The following ARL3 variants were observed in gnomAD, a reference collection of about 807,000 sequenced individuals.
ARL3 encodes the protein ARF like GTPase 3, also known as ADP-ribosylation factor-like protein 3.
In ARL3, 9 loss-of-function variants were observed where a neutral mutation model predicts 26.0. The ratio of observed to expected loss-of-function variants is 0.35; its 90% CI spans 0.21 to 0.60. ARL3 has a LOEUF of 0.60. Ranked by LOEUF, ARL3 falls within the 20% of genes least tolerant of loss-of-function variation. The pLI, the probability that ARL3 is intolerant of heterozygous loss-of-function variation, is 0.78. For synonymous variants in ARL3, 71 were observed against 78.4 expected (o/e 0.91, Z 0.50); for missense variants, 158 against 215.7 (o/e 0.73, Z 1.67).
At chr10:102,690,006 G>T in intron 3 of ARL3, 63 bp from the exon 4 acceptor site, 1 of 1,059,918 alleles carries the variant, frequency 9.4e-7, no homozygotes, top group Non-Finnish European at 1.4e-6. Flanking sequence ...GGCAATTTCT[G>T]CAAAAGGAGC....
At chr10:102,685,673 T>C (rs2064180072) in intron 5 of ARL3, 143 bp downstream of exon 5, 4 of 854,058 alleles carry the variant, frequency 4.7e-6, no homozygotes, top group Non-Finnish European at 5.2e-6. Flanking sequence ...GATTGGTTGC[T>C]AAGCAGAAAA....
chr10:102,697,123 G>C (rs909781559), intron 3 of ARL3, among the ~76,000 whole-genome samples: 16 of 151,976 alleles, frequency 1.1e-4, no homozygotes, highest in African/African-American at 3.6e-4. Context: ...CATATAAAAG[G>C]TAATGTGTTA....
chr10:102,698,216 T>C (rs2064259627), intron 3 of ARL3, among the ~76,000 whole-genome samples: 1 of 151,834 alleles, frequency 6.6e-6, no homozygotes, highest in Non-Finnish European at 1.5e-5. Context: ...TTTTTTCTTG[T>C]CTTGAGACAG....
chr10:102,678,268 G>A (rs2064140087), intron 5 of ARL3, among the ~76,000 whole-genome samples: 2 of 152,174 alleles, frequency 1.3e-5, no homozygotes, highest in South Asian at 4.1e-4. Context: ...GCCGAGGTGG[G>A]AGAAATGAGG....
chr10:102,705,377 G>A lies in ARL3; in HGVS notation c.116C>T (p.Ser39Phe). ...AGGTGTGATGTGGCTGATGTCTTCAGATGCAAGCTGCTTCAGAAGAGTGGT... is the reference window on the plus strand; with the variant it reads ...AGGTGTGATGTGGCTGATGTCTTCAAATGCAAGCTGCTTCAGAAGAGTGGT... ...GKTTLLKQLA[S>F]EDISHITPTQ... is the part of the protein sequence containing the mutation. Residue 39 changes from serine (S) to phenylalanine (F), a missense_variant, in exon 2 of 6, where the codon TCT becomes TTT. Physicochemically the swap from Ser to Phe is radical, Grantham distance 155 (BLOSUM62 -2). Transcript: ENST00000260746. 6.2e-7 allele frequency: 1 copy of A among 1,610,764 alleles called. No individual in the cohort carries two copies. The highest frequency in any genetic ancestry group is 8.5e-7 in the Non-Finnish European group (1 of 1,178,110).
Position 102,674,274 on chromosome 10 carries a change from C to T in ARL3, c.*2620G>A, listed in dbSNP as rs2064119273. 2 of 152,298 alleles carry T rather than the reference C, an allele frequency of 1.3e-5. No homozygotes were observed. The highest frequency in any genetic ancestry group is 2.1e-4 in the South Asian group (1 of 4,832). The allele number at this position is 152,298 out of a possible 1,614,324, so 9.4% of individuals were successfully genotyped here. A position where few individuals can be genotyped will look rare whatever the true frequency, so the allele number is the denominator to read the frequency against. The stretch of plus-strand genomic sequence containing the variant: ...TAATCGCTGACTTTCAGCTGTGCAC[C>T]GACATGTTCCCCAGCTCAGCCCACA... On this transcript the variant is annotated 3_prime_UTR_variant, in exon 6 of 6. Transcript: ENST00000260746.
Position 102,714,299 on chromosome 10 carries a change from C to T in ARL3, c.-24G>A. 1 of 1,311,880 alleles carries T rather than the reference C, an allele frequency of 7.6e-7. No individual in the cohort carries two copies. The highest frequency in any genetic ancestry group is 9.8e-7 in the Non-Finnish European group (1 of 1,022,122). The allele number at this position is 1,311,880 out of a possible 1,614,324, so 81.3% of individuals were successfully genotyped here. ...ATCCTCCCGCCGAGTCCCTCCTCCT[C>T]CTCCTCCTCCTGCTGCCTCCCCCGT... On this transcript the variant is annotated 5_prime_UTR_variant, in exon 1 of 6. Coordinates refer to ENST00000260746, the MANE Select transcript of ARL3 (RefSeq NM_004311.4).
intron 5 of ARL3, among the ~76,000 whole-genome samples, chr10:102,684,271 C>G (rs1043921038): frequency 6.6e-6 from 1 of 152,150 alleles, no homozygotes; most frequent in African/African-American, 2.4e-5. Flanking sequence ...GCCTCAGCCT[C>G]CCGTGTAGCT....
chr10:102,705,321 C>A, intron 2 of ARL3, 25 bp downstream of exon 2: 2 of 1,531,200 alleles, frequency 1.3e-6, no homozygotes, highest in East Asian at 2.3e-5. Flanking sequence ...TGTCACACGG[C>A]ATCTGGAGCC....
In ARL3 at chr10:102,675,796, T is replaced by G. The variant is rs1347684336; in HGVS notation, c.*1098A>C. The G allele has an allele frequency of 6.6e-6, 1 of 152,270 alleles. No homozygotes were observed. The highest frequency in any genetic ancestry group is 6.6e-5 in the Admixed American group (1 of 15,262). 9.4% of individuals were successfully genotyped at this position (152,270 alleles called of 1,614,324 possible). On this transcript the variant is annotated 3_prime_UTR_variant, in exon 6 of 6. Transcript: ENST00000260746. ...ATGTCCTCCCCAGCAGCAAACCCTC[T>G]CCATCCAGGAGCATCCCACACCACC...
intron 3 of ARL3, among the ~76,000 whole-genome samples, chr10:102,695,161 C>T (rs566226958): frequency 6.6e-6 from 1 of 152,110 alleles, no homozygotes; most frequent in Non-Finnish European, 1.5e-5. Context: ...TGTCAATATC[C>T]CCAAAGTAAC....
intron 1 of ARL3, among the ~76,000 whole-genome samples, chr10:102,711,384 A>G (rs909063196): frequency 2.0e-5 from 3 of 151,216 alleles, no homozygotes; most frequent in Non-Finnish European, 4.4e-5. Flanking sequence ...ATATATATGT[A>G]TATATATGTA....
At position 102,714,388 on chromosome 10, in the gene ARL3, G is replaced by C; in HGVS notation, c.-113C>G. On this transcript the variant is annotated 5_prime_UTR_variant, in exon 1 of 6. Coordinates refer to ENST00000260746, the MANE Select transcript of ARL3 (RefSeq NM_004311.4). ...CTCGCACGCACAGCTGAGGAGCTGA[G>C]CAGCAATACGGGGCGGGGTGCAGCT... 1 of 1,128,582 alleles carries C rather than the reference G, an allele frequency of 8.9e-7. No homozygotes were observed. Among genetic ancestry groups the C allele is most frequent in the Non-Finnish European group, 1.1e-6 (1 of 878,014 alleles). The allele number at this position is 1,128,582 out of a possible 1,614,324, so 69.9% of individuals were successfully genotyped here.
At chr10:102,709,297 T>C (rs1312196601) in intron 1 of ARL3, among the ~76,000 whole-genome samples, 2 of 151,824 alleles carry the variant, frequency 1.3e-5, no homozygotes, top group Non-Finnish European at 2.9e-5. Context: ...GTTTTTTTTT[T>C]CAGGCAGAGA....
At chr10:102,703,425 C>CTTTTTTTTTTT (rs57721161) in intron 2 of ARL3, among the ~76,000 whole-genome samples, 9 of 48,486 alleles carry the variant, frequency 1.9e-4, no homozygotes, top group African/African-American at 4.2e-4. Flanking sequence ...CAGGACTTGT[C>CTTTTTTTTTTT]TTTTTTTTTT....
chr10:102,689,872 A>G, intron 4 of ARL3, 21 bp downstream of exon 4: 2 of 1,507,826 alleles, frequency 1.3e-6, no homozygotes, highest in Non-Finnish European at 9.1e-7. Context: ...AAGAACTTTG[A>G]TATAAAAAAG....
chr10:102,697,741 A>T (rs2064256844), intron 3 of ARL3, among the ~76,000 whole-genome samples: 1 of 152,202 alleles, frequency 6.6e-6, no homozygotes, highest in Admixed American at 6.6e-5. Context: ...AAAAAAAAAT[A>T]GCAATGGAGA....
rs778983346 is a variant in ARL3 at position 102,711,240 on chromosome 10, G to C, written c.3+3033C>G. On this transcript the variant is annotated intron_variant, in intron 1 of 5. Coordinates refer to ENST00000260746, the MANE Select transcript of ARL3 (RefSeq NM_004311.4). ...TCTGAGCATCTCCTCAGGAAGAGTGGGTTCCCACTTCACCAGAGTCCTAAT... is the reference window on the plus strand; with the variant it reads ...TCTGAGCATCTCCTCAGGAAGAGTGCGTTCCCACTTCACCAGAGTCCTAAT... 7.9e-5 allele frequency among the ~76,000 whole-genome samples: 12 copies of C among 151,886 alleles called. No homozygotes were observed. In the East Asian group the frequency reaches 2.3e-3, roughly 29 times the overall value.
chr10:102,699,211 TG>T (rs1406775496), intron 3 of ARL3, among the ~76,000 whole-genome samples, 161 bp downstream of exon 3: 4 of 152,238 alleles, frequency 2.6e-5, no homozygotes, highest in African/African-American at 7.2e-5. Flanking sequence ...TATACAAAGA[TG>T]TTTTTCCTTT....
Sources: allele counts gnomAD v4.1 joint callset (sites outside exome capture counted in the v4.1 genomes callset), GRCh38; gene constraint gnomAD v4.1.1; transcripts MANE v1.5; gene names NCBI Gene and HGNC (gene_info 2026-07-23, HGNC 2026-07-21).